Variants in GAREM1 observed in about 807,000 individuals in gnomAD.
GAREM1 encodes the protein GRB2-associated and regulator of MAPK protein 1.
GAREM1 carries 26 observed loss-of-function variants against 71.3 expected under a neutral mutation model. That is an observed-to-expected ratio of 0.36 (90% confidence interval 0.27 to 0.51). The LOEUF is 0.51. GAREM1 is among the 20% of genes least tolerant of loss of function. The probability of loss-of-function intolerance (pLI) is 0.95; values close to 1 mark genes in which losing one functional copy is unlikely to be tolerated. For missense variants in GAREM1, 1,026 were observed against 1,103.1 expected, an observed-to-expected ratio of 0.93 and a Z score of 0.99; for synonymous variants, 440 against 433.2, an observed-to-expected ratio of 1.02 and a Z score of -0.20.
intron 1 of GAREM1, among the ~76,000 whole-genome samples, chr18:32,431,233 A>G (rs989867745): frequency 2.6e-5 from 4 of 152,178 alleles, no homozygotes; most frequent in African/African-American, 9.7e-5. Flanking sequence ...TGACTAAGGG[A>G]AAAAAATGAA....
intron 3 of GAREM1, among the ~76,000 whole-genome samples, chr18:32,292,133 C>T (rs2047093926): frequency 1.3e-5 from 2 of 152,188 alleles, no homozygotes; most frequent in Admixed American, 6.5e-5. Context: ...TCCTATTTCT[C>T]CACATCCTTT....
chr18:32,322,089 G>A (rs2047434285), intron 2 of GAREM1, among the ~76,000 whole-genome samples: 1 of 152,176 alleles, frequency 6.6e-6, no homozygotes, highest in Non-Finnish European at 1.5e-5. Context: ...AAAAGGAGAA[G>A]CAGCTGGCTC....
Position 32,377,861 on chromosome 18 carries a change from C to T in GAREM1, c.262+15034G>A, listed in dbSNP as rs532933138. Among the ~76,000 whole-genome samples, 5 of 152,228 alleles carry T rather than the reference C, an allele frequency of 3.3e-5. No individual in the cohort carries two copies. The South Asian group carries it at 1.0e-3, about 32-fold the overall frequency. ...TACAGGCGTGAGCCACCGGGCCTGG[C>T]CAGAAGATTATTTCTTAATGGTTCC... is the stretch of plus-strand genomic sequence containing the variant. On this transcript the variant is annotated intron_variant, in intron 2 of 5. Coordinates refer to ENST00000269209, the MANE Select transcript of GAREM1 (RefSeq NM_001242409.2).
intron 4 of GAREM1, among the ~76,000 whole-genome samples, chr18:32,281,614 C>A (rs1412263523): frequency 6.6e-6 from 1 of 152,184 alleles, no homozygotes; most frequent in East Asian, 1.9e-4. Context: ...TTATCATTTT[C>A]CTTTTACCAG....
At chr18:32,368,191 A>G (rs1487495752) in intron 2 of GAREM1, among the ~76,000 whole-genome samples, 1 of 151,958 alleles carries the variant, frequency 6.6e-6, no homozygotes, top group East Asian at 1.9e-4. Context: ...GGTATTCCTC[A>G]ATAGATTCAG....
At chr18:32,338,404 T>A (rs2047617778) in intron 2 of GAREM1, among the ~76,000 whole-genome samples, 1 of 152,194 alleles carries the variant, frequency 6.6e-6, no homozygotes, top group Non-Finnish European at 1.5e-5. Context: ...AGCCACTTAA[T>A]GGTCCTCAAT....
At chr18:32,411,092 C>T (rs577527712) in intron 1 of GAREM1, among the ~76,000 whole-genome samples, 89 of 152,314 alleles carry the variant, frequency 5.8e-4, no homozygotes, top group African/African-American at 2.0e-3. Context: ...CATGAGCCAC[C>T]GTGCCTGGTG....
chr18:32,265,411 C>T lies in GAREM1; in HGVS notation c.*2460G>A, dbSNP rs138606422. On this transcript the variant is annotated 3_prime_UTR_variant, in exon 6 of 6. Transcript: ENST00000269209. ...TTTTAAAGACAGGACACACGTAATT[C>T]TCCATATACCCAGCTGCCCATAGGA... is the stretch of plus-strand genomic sequence containing the variant. The T allele has an allele frequency of 6.6e-6, 1 of 152,304 alleles. No individual in the cohort carries two copies. Among genetic ancestry groups the T allele is most frequent in the Non-Finnish European group, 1.5e-5 (1 of 68,036 alleles). 9.4% of individuals were successfully genotyped at this position (152,304 alleles called of 1,614,324 possible).
At chr18:32,350,670 T>C (rs1408655507) in intron 2 of GAREM1, among the ~76,000 whole-genome samples, 2 of 152,196 alleles carry the variant, frequency 1.3e-5, no homozygotes, top group African/African-American at 4.8e-5. Context: ...AAGTAAACTC[T>C]TGAAGGTTAC....
chr18:32,273,304 A>G (rs2041489721), intron 4 of GAREM1, among the ~76,000 whole-genome samples: 1 of 152,230 alleles, frequency 6.6e-6, no homozygotes, highest in Non-Finnish European at 1.5e-5. Context: ...GATGTCAATT[A>G]TAATATGCTC....
At chr18:32,447,470 A>G (rs2048795885) in intron 1 of GAREM1, among the ~76,000 whole-genome samples, 1 of 152,192 alleles carries the variant, frequency 6.6e-6, no homozygotes, top group Non-Finnish European at 1.5e-5. Flanking sequence ...TTATAAATAA[A>G]TTCCCTTTAT....
intron 4 of GAREM1, among the ~76,000 whole-genome samples, chr18:32,283,933 G>C (rs1014589736): frequency 6.6e-6 from 1 of 152,180 alleles, no homozygotes; most frequent in African/African-American, 2.4e-5. Context: ...TATCTAGCTG[G>C]TGAACTTTCA....
intron 3 of GAREM1, among the ~76,000 whole-genome samples, chr18:32,293,401 T>TAAA (rs1030356294): frequency 3.3e-5 from 5 of 152,192 alleles, no homozygotes; most frequent in Admixed American, 3.3e-4. Flanking sequence ...CTCCTACTGC[T>TAAA]AAAATCTGGG....
At chr18:32,461,653 C>G (rs1176972249) in intron 1 of GAREM1, among the ~76,000 whole-genome samples, 1 of 152,018 alleles carries the variant, frequency 6.6e-6, no homozygotes, top group Non-Finnish European at 1.5e-5. Context: ...AATGATCGCA[C>G]CACTGCACTC....
Position 32,287,421 on chromosome 18 carries a change from G to A in GAREM1, c.1176C>T (p.Gly392=), listed in dbSNP as rs748368067. The change falls in exon 4 of 6, where the codon GGC becomes GGT. Residue 392 remains glycine, a synonymous_variant. Coordinates refer to ENST00000269209, the MANE Select transcript of GAREM1 (RefSeq NM_001242409.2). This position sits in a 1 kb window ranked among gnomAD's most constrained non-coding sequence, Gnocchi z 5.9. Reference sequence around the variant, plus strand: ...CCTCACTGTTGCCATGGAGATTGTTGCCATACACACAGACCGAGAGTCGGT... The same window carrying A: ...CCTCACTGTTGCCATGGAGATTGTTACCATACACACAGACCGAGAGTCGGT... The part of the protein sequence containing the change: ...SFHRLSVCVY[G]NNLHGNSEVN... The A allele has an allele frequency of 2.7e-5, 44 of 1,614,090 alleles. No individual in the cohort carries two copies. Among genetic ancestry groups the A allele is most frequent in the Non-Finnish European group, 5.9e-6 (7 of 1,180,056 alleles).
rs148013176 is a variant in GAREM1 at position 32,272,131 on chromosome 18, C to T, written c.1567-1748G>A. ...AGCTTTGGTATTGAGTTTGCTTAAG[C>T]GGAAATGAAATGGGTTCATGTTATC... is the stretch of plus-strand genomic sequence containing the variant. On this transcript the variant is annotated intron_variant, in intron 4 of 5. Transcript: ENST00000269209. Among the ~76,000 whole-genome samples the T allele has an allele frequency of 2.7e-3, 412 of 152,204 alleles. 2 individuals carry two copies. Among genetic ancestry groups the T allele is most frequent in the Middle Eastern group, 0.014 (4 of 294 alleles).
At position 32,287,705 on chromosome 18, in the gene GAREM1, G is replaced by T; in HGVS notation, c.892C>A (p.Pro298Thr). 6.2e-7 allele frequency: 1 copy of T among 1,614,166 alleles called. No homozygotes were observed. The highest frequency in any genetic ancestry group is 8.5e-7 in the Non-Finnish European group (1 of 1,180,032). ...AACTTGGGGACAGTCAAGTGCAAAGGAAAGTGCATGGGGAGGATCTTGTTG... is the reference window on the plus strand; with the variant it reads ...AACTTGGGGACAGTCAAGTGCAAAGTAAAGTGCATGGGGAGGATCTTGTTG... ...RNNKILPMHF[P>T]LHLTVPKFSL... Residue 298 changes from proline to threonine, a missense_variant, in exon 4 of 6, where the codon CCT becomes ACT. Pro to Thr is a conservative substitution (Grantham distance 38). This residue lies in a region of GAREM1 where 218 missense variants were observed against 296.8 expected (regional missense o/e 0.73). Transcript: ENST00000269209. This position sits in a 1 kb window ranked among gnomAD's most constrained non-coding sequence, Gnocchi z 5.9.
intron 2 of GAREM1, among the ~76,000 whole-genome samples, chr18:32,341,164 T>C (rs182448294): frequency 2.0e-5 from 3 of 152,274 alleles, no homozygotes; most frequent in Admixed American, 2.0e-4. Flanking sequence ...GTGTGTGATG[T>C]TCCCCACCCT....
At chr18:32,368,044 T>C (rs2047942710) in intron 2 of GAREM1, among the ~76,000 whole-genome samples, 1 of 150,054 alleles carries the variant, frequency 6.7e-6, no homozygotes, top group African/African-American at 2.4e-5. Flanking sequence ...CCCTTTCTTT[T>C]ATCTCCCCCT....
Sources: gnomAD v4.1 joint callset for allele counts (sites outside exome capture counted in the v4.1 genomes callset) on GRCh38, gnomAD v4.1.1 for gene constraint, gnomAD v4.1.1 regional missense constraint, Gnocchi (gnomAD v3.1) non-coding constraint, MANE v1.5 for transcripts, NCBI Gene and HGNC (gene_info 2026-07-23, HGNC 2026-07-21) for gene names.